Variants in FAM78B observed in about 807,000 individuals in gnomAD.
FAM78B encodes the protein protein FAM78B.
FAM78B carries 10 observed loss-of-function variants against 20.0 expected under a neutral mutation model. The ratio of observed to expected loss-of-function variants is 0.50; its 90% CI spans 0.31 to 0.85. FAM78B has a LOEUF of 0.85. FAM78B is among the 40% of genes least tolerant of loss of function. The pLI is 0.05. For missense variants in FAM78B, 283 were observed against 345.0 expected (o/e 0.82, Z 1.42); for synonymous variants, 135 against 132.8 (o/e 1.02, Z -0.12).
chr1:166,115,702 A>G (rs1654228491), intron 1 of FAM78B, among the ~76,000 whole-genome samples: 2 of 152,190 alleles, frequency 1.3e-5, no homozygotes, highest in South Asian at 2.1e-4. Flanking sequence ...GCTGAAAGGC[A>G]TTTGGAGCGG....
intron 1 of FAM78B, among the ~76,000 whole-genome samples, chr1:166,095,883 G>A (rs1557898127): frequency 6.6e-6 from 1 of 152,174 alleles, no homozygotes; most frequent in Non-Finnish European, 1.5e-5. Flanking sequence ...CCCAGGATCA[G>A]TGAAAGATTA....
intron 1 of FAM78B, among the ~76,000 whole-genome samples, chr1:166,108,951 C>A (rs1287279392): frequency 1.3e-5 from 2 of 152,146 alleles, no homozygotes; most frequent in African/African-American, 4.8e-5. Context: ...AGATAATTGA[C>A]TAGCCACATG....
intron 1 of FAM78B, among the ~76,000 whole-genome samples, chr1:166,104,883 G>C (rs1436197705): frequency 1.3e-5 from 2 of 152,174 alleles, no homozygotes; most frequent in Non-Finnish European, 2.9e-5. Context: ...CTAAAAAAGA[G>C]CCCGCATTGC....
chr1:166,130,331 C>T (rs745495122), intron 1 of FAM78B, among the ~76,000 whole-genome samples: 1 of 152,228 alleles, frequency 6.6e-6, no homozygotes, highest in Non-Finnish European at 1.5e-5. Context: ...TTTCTTCTTT[C>T]TGCTTCTACG....
intron 1 of FAM78B, among the ~76,000 whole-genome samples, chr1:166,072,202 T>G (rs2101711267): frequency 6.6e-6 from 1 of 152,286 alleles, no homozygotes; most frequent in African/African-American, 2.4e-5. Flanking sequence ...GCACCCTTAC[T>G]ATCACATGGG....
At chr1:166,122,194 A>C (rs1468567584) in intron 1 of FAM78B, among the ~76,000 whole-genome samples, 2 of 152,184 alleles carry the variant, frequency 1.3e-5, no homozygotes, top group Non-Finnish European at 2.9e-5. Context: ...GGAGGAGATA[A>C]GCATAGTCTG....
chr1:166,057,330 G>C (rs1436249593), downstream of FAM78B: 1 of 152,204 alleles, frequency 6.6e-6, no homozygotes, highest in African/African-American at 2.4e-5. Flanking sequence ...TCTGCCCTCT[G>C]TATGTTCCAG....
intron 1 of FAM78B, among the ~76,000 whole-genome samples, chr1:166,143,622 G>A (rs1039763554): frequency 6.6e-6 from 1 of 152,154 alleles, no homozygotes; most frequent in South Asian, 2.1e-4. Flanking sequence ...GCAGAGGACA[G>A]GTGGTGGAGG....
intron 1 of FAM78B, among the ~76,000 whole-genome samples, chr1:166,124,925 A>T (rs1393799898): frequency 6.6e-6 from 1 of 152,142 alleles, no homozygotes; most frequent in Non-Finnish European, 1.5e-5. Context: ...ACACCCAGCA[A>T]GCTGGTCAGT....
At chr1:166,056,479 A>G (rs915370006), downstream of FAM78B, among the ~76,000 whole-genome samples, 2 of 152,160 alleles carry the variant, frequency 1.3e-5, no homozygotes, top group African/African-American at 4.8e-5. Context: ...AGTTTTCAGA[A>G]TCCAAGTACA....
intron 1 of FAM78B, among the ~76,000 whole-genome samples, chr1:166,096,165 G>C (rs868805790): frequency 1.3e-5 from 2 of 152,190 alleles, no homozygotes; most frequent in Non-Finnish European, 2.9e-5. Context: ...GTCGTCCCAC[G>C]AACCTCTGCT....
At chr1:166,144,880 TC>T (rs1655403690) in intron 1 of FAM78B, among the ~76,000 whole-genome samples, 1 of 152,020 alleles carries the variant, frequency 6.6e-6, no homozygotes, top group South Asian at 2.1e-4. Context: ...CATCAATCTT[TC>T]CATAAAAAGG....
intron 1 of FAM78B, among the ~76,000 whole-genome samples, chr1:166,084,205 C>CCACACACA (rs374157991): frequency 0.097 from 11,744 of 120,776 alleles, 660 homozygotes; most frequent in Non-Finnish European, 0.11. Context: ...GATGTAGAAA[C>CCACACACA]CACACACACA....
intron 1 of FAM78B, among the ~76,000 whole-genome samples, chr1:166,105,284 C>G (rs1333669801): frequency 6.6e-6 from 1 of 152,234 alleles, no homozygotes; most frequent in African/African-American, 2.4e-5. Context: ...CCAGTCAGCA[C>G]ATAGGCATGG....
chr1:166,062,329 G>A (rs1651629813), intron 2 of FAM78B, among the ~76,000 whole-genome samples: 2 of 152,302 alleles, frequency 1.3e-5, no homozygotes, highest in South Asian at 4.1e-4. Flanking sequence ...CAGAAAGCAG[G>A]CTTGGAAAGA....
intron 2 of FAM78B, among the ~76,000 whole-genome samples, chr1:166,060,970 A>T (rs914567846): frequency 5.3e-5 from 8 of 152,228 alleles, no homozygotes; most frequent in African/African-American, 1.9e-4. Context: ...ATGGGGGGGA[A>T]GTTGAGACCC....
In FAM78B at chr1:166,153,142, G is replaced by C. The variant is rs143162983; in HGVS notation, c.263+12844C>G. ...AGCCAGGCTTGGAGGCAACGTGGAA[G>C]ACAGAGTGACTCATGGGCTCCCAAG... On this transcript the variant is annotated intron_variant, in intron 1 of 1. Transcript: ENST00000354422. Among the ~76,000 whole-genome samples the C allele has an allele frequency of 8.3e-3, 1,270 of 152,328 alleles. 15 individuals are homozygous for C. The highest frequency in any genetic ancestry group is 0.029 in the African/African-American group (1,197 of 41,572).
chr1:166,055,959 GAACT>G (rs1321361614), downstream of FAM78B, among the ~76,000 whole-genome samples: 1 of 152,090 alleles, frequency 6.6e-6, no homozygotes, highest in Non-Finnish European at 1.5e-5. Flanking sequence ...TGAAATGAAT[GAACT>G]AAGAAAAAAG....
intron 1 of FAM78B, among the ~76,000 whole-genome samples, chr1:166,118,911 G>A (rs147305608): frequency 3.9e-5 from 6 of 152,160 alleles, no homozygotes; most frequent in East Asian, 1.9e-4. Flanking sequence ...ACCTCTTCAC[G>A]CCATTCCATT....
Sources: gnomAD v4.1 joint callset for allele counts (sites outside exome capture counted in the v4.1 genomes callset) on GRCh38, gnomAD v4.1.1 for gene constraint, MANE v1.5 for transcripts, NCBI Gene and HGNC (gene_info 2026-07-23, HGNC 2026-07-21) for gene names.